Variants in TAFA1 observed in about 807,000 individuals in gnomAD.
TAFA1 encodes the protein TAFA chemokine like family member 1, also known as chemokine-like protein TAFA-1.
In TAFA1, 4 loss-of-function variants were observed where a neutral mutation model predicts 18.5. The ratio of observed to expected loss-of-function variants is 0.22; its 90% CI spans 0.11 to 0.49. TAFA1 has a LOEUF of 0.49. Among genes scored for constraint, TAFA1 ranks in the 20% least tolerant of loss-of-function variants. TAFA1 has a pLI of 0.98. For missense variants in TAFA1, 147 were observed against 169.0 expected, an observed-to-expected ratio of 0.87 and a Z score of 0.72; for synonymous variants, 56 against 55.2, an observed-to-expected ratio of 1.01 and a Z score of -0.06.
At chr3:68,024,805 G>GCACACACACACA (rs3037727) in intron 2 of TAFA1, among the ~76,000 whole-genome samples, 137 of 73,646 alleles carry the variant, frequency 1.9e-3, no homozygotes, top group Non-Finnish European at 2.1e-3. Context: ...TCTCCTTAAT[G>GCACACACACACA]CACACACACA....
chr3:68,323,443 A>G (rs2106711317), intron 2 of TAFA1, among the ~76,000 whole-genome samples: 1 of 152,320 alleles, frequency 6.6e-6, no homozygotes, highest in African/African-American at 2.4e-5. Context: ...CAAATAAAAC[A>G]TTGAGTTTTT....
At chr3:68,315,432 T>C (rs1053544827) in intron 2 of TAFA1, among the ~76,000 whole-genome samples, 19 of 152,082 alleles carry the variant, frequency 1.2e-4, no homozygotes, top group Non-Finnish European at 7.4e-5. Context: ...GGCGCGGAAA[T>C]AGTTTTGGAA....
rs139906240 is a variant in TAFA1, at chr3:68,153,447, G to T, written c.118+146703G>T. Among the ~76,000 whole-genome samples, 108 of 152,274 alleles carry T rather than the reference G, an allele frequency of 7.1e-4. No individual in the cohort carries two copies. The East Asian group carries it at 0.015, about 22-fold the overall frequency. On this transcript the variant is annotated intron_variant, in intron 2 of 4. Coordinates refer to ENST00000478136, the MANE Select transcript of TAFA1 (RefSeq NM_213609.4). ...AAGGTGGTAGATGAGAGAGTGGAAA[G>T]AATAGGAATTTTGCTGGGAAAGCTG...
At chr3:68,255,525 C>A (rs967688222) in intron 2 of TAFA1, among the ~76,000 whole-genome samples, 1 of 151,956 alleles carries the variant, frequency 6.6e-6, no homozygotes, top group African/African-American at 2.4e-5. Context: ...TGTGAAGGGA[C>A]CTATATATCC....
chr3:68,078,797 C>A (rs1456881216), intron 2 of TAFA1, among the ~76,000 whole-genome samples: 1 of 152,158 alleles, frequency 6.6e-6, no homozygotes, highest in Non-Finnish European at 1.5e-5. Flanking sequence ...CTCTGCCTGG[C>A]TTTGGTATCA....
intron 2 of TAFA1, among the ~76,000 whole-genome samples, chr3:68,131,705 T>C (rs1019725026): frequency 1.3e-5 from 2 of 152,200 alleles, no homozygotes; most frequent in Non-Finnish European, 2.9e-5. Flanking sequence ...TCAAGGCTCA[T>C]GCCTTACAAT....
intron 3 of TAFA1, among the ~76,000 whole-genome samples, chr3:68,454,246 C>T (rs900842693): frequency 6.6e-6 from 1 of 152,040 alleles, no homozygotes; most frequent in African/African-American, 2.4e-5. Context: ...AATATTCTTC[C>T]CTGTCTTTGA....
At chr3:68,502,734 G>T (rs1301487279) in intron 3 of TAFA1, among the ~76,000 whole-genome samples, 1 of 151,862 alleles carries the variant, frequency 6.6e-6, no homozygotes, top group African/African-American at 2.4e-5. Flanking sequence ...TTAATACTCT[G>T]AGACACAATA....
chr3:68,109,370 T>G (rs769007965), intron 2 of TAFA1, among the ~76,000 whole-genome samples: 92 of 152,294 alleles, frequency 6.0e-4, no homozygotes, highest in Non-Finnish European at 1.1e-3. Context: ...ATGTGTTATC[T>G]GTTCATATTG....
chr3:68,389,881 T>G (rs2070190557), intron 2 of TAFA1, among the ~76,000 whole-genome samples: 1 of 152,130 alleles, frequency 6.6e-6, no homozygotes, highest in East Asian at 1.9e-4. Context: ...CCAGATTTGC[T>G]TGGGTGCCTA....
chr3:68,370,452 A>ATG (rs1428987998), intron 2 of TAFA1, among the ~76,000 whole-genome samples: 15 of 27,270 alleles, frequency 5.5e-4, no homozygotes, highest in Non-Finnish European at 6.4e-4. Context: ...ATATGTATAT[A>ATG]TATGTGTGTG....
intron 2 of TAFA1, among the ~76,000 whole-genome samples, chr3:68,064,489 G>T (rs893427897): frequency 3.3e-5 from 5 of 152,158 alleles, no homozygotes; most frequent in African/African-American, 1.2e-4. Context: ...AGTTGCACAT[G>T]CAAATTATTT....
intron 2 of TAFA1, among the ~76,000 whole-genome samples, chr3:68,343,030 T>C (rs997410614): frequency 3.3e-5 from 5 of 152,174 alleles, no homozygotes; most frequent in Non-Finnish European, 5.9e-5. Flanking sequence ...AGGTTGCACT[T>C]TGTAGGGGTG....
intron 3 of TAFA1, among the ~76,000 whole-genome samples, chr3:68,433,963 A>C (rs1202060899): frequency 6.6e-6 from 1 of 152,114 alleles, no homozygotes; most frequent in Non-Finnish European, 1.5e-5. Context: ...GTTTATGTGT[A>C]AAGGACATTC....
chr3:68,381,693 A>G (rs1032165006), intron 2 of TAFA1, among the ~76,000 whole-genome samples: 2 of 152,210 alleles, frequency 1.3e-5, no homozygotes, highest in South Asian at 2.1e-4. Flanking sequence ...GGTTTTCCAG[A>G]CATACAATCA....
At chr3:68,202,865 A>C (rs2066484010) in intron 2 of TAFA1, among the ~76,000 whole-genome samples, 1 of 151,656 alleles carries the variant, frequency 6.6e-6, no homozygotes, top group Admixed American at 6.6e-5. Context: ...AAAAAACAAA[A>C]ATTTTTATTT....
intron 2 of TAFA1, among the ~76,000 whole-genome samples, chr3:68,233,277 C>A (rs2066892867): frequency 6.6e-6 from 1 of 151,990 alleles, no homozygotes; most frequent in Non-Finnish European, 1.5e-5. Context: ...AAATAGTTTG[C>A]AAATATCTTA....
chr3:68,207,484 G>C (rs1216587892), intron 2 of TAFA1, among the ~76,000 whole-genome samples: 1 of 151,862 alleles, frequency 6.6e-6, no homozygotes, highest in Non-Finnish European at 1.5e-5. Flanking sequence ...TCACAGAGTA[G>C]ACAGTGATCA....
chr3:68,354,849 C>T (rs1199120950), intron 2 of TAFA1, among the ~76,000 whole-genome samples: 1 of 151,880 alleles, frequency 6.6e-6, no homozygotes, highest in African/African-American at 2.4e-5. Context: ...CCCTCAAGCC[C>T]TTTTATAAGC....
Sources: allele counts gnomAD v4.1 joint callset (sites outside exome capture counted in the v4.1 genomes callset), GRCh38; gene constraint gnomAD v4.1.1; transcripts MANE v1.5; gene names NCBI Gene and HGNC (gene_info 2026-07-23, HGNC 2026-07-21).